Variants in APOOL observed in about 807,000 individuals in gnomAD.
APOOL encodes the protein apolipoprotein O like, also known as MICOS complex subunit MIC27.
APOOL carries 12 observed loss-of-function variants against 23.1 expected under a neutral mutation model. That is an observed-to-expected ratio of 0.52 (90% CI 0.33 to 0.84). The LOEUF (loss-of-function observed/expected upper bound fraction) is 0.84. Among genes scored for constraint, APOOL ranks in the 40% least tolerant of loss-of-function variants. The pLI is 0.02. For missense variants in APOOL, 212 were observed against 199.6 expected, an observed-to-expected ratio of 1.06 and a Z score of -0.37; for synonymous variants, 77 against 69.9, an observed-to-expected ratio of 1.10 and a Z score of -0.51.
chrX:85,034,253 CCT>C (rs1341993310), intron 1 of APOOL, among the ~76,000 whole-genome samples: 1 of 110,723 alleles, frequency 9.0e-6, no homozygotes, highest in Non-Finnish European at 1.9e-5. Flanking sequence ...CTTTTTTTCT[CCT>C]CTTTTATTTT....
chrX:85,032,154 C>T (rs1260101590), intron 1 of APOOL, among the ~76,000 whole-genome samples: 2 of 112,321 alleles, frequency 1.8e-5, no homozygotes, highest in East Asian at 5.6e-4. Flanking sequence ...ATACTTTAGC[C>T]TGATTAACAA....
At chrX:85,047,610 G>T (rs1922618787) in intron 2 of APOOL, among the ~76,000 whole-genome samples, 1 of 111,432 alleles carries the variant, frequency 9.0e-6, no homozygotes, top group African/African-American at 3.3e-5. Flanking sequence ...TACTGGTAAG[G>T]TATGCCTCAT....
At chrX:85,080,280 G>T (rs1356051624) in intron 8 of APOOL, among the ~76,000 whole-genome samples, 1 of 111,773 alleles carries the variant, frequency 8.9e-6, no homozygotes, top group African/African-American at 3.3e-5. Flanking sequence ...CAGAGATTCT[G>T]GTACGTTGTG....
At chrX:85,045,947 A>T (rs1602761730) in intron 1 of APOOL, among the ~76,000 whole-genome samples, 1 of 111,496 alleles carries the variant, frequency 9.0e-6, no homozygotes, top group African/African-American at 3.2e-5. Flanking sequence ...GCATTTATCA[A>T]CTTATAATAT....
At chrX:85,067,631 C>T (rs867447379) in intron 6 of APOOL, among the ~76,000 whole-genome samples, 25 of 98,298 alleles carry the variant, frequency 2.5e-4, no homozygotes, top group African/African-American at 1.0e-3. Context: ...AGGTAAAACA[C>T]ACACACACAC....
At chrX:85,048,078 A>T (rs1251679006) in intron 2 of APOOL, among the ~76,000 whole-genome samples, 1 of 111,580 alleles carries the variant, frequency 9.0e-6, no homozygotes, top group Non-Finnish European at 1.9e-5. Flanking sequence ...AATTTCTATA[A>T]GCCGAAGTGT....
intron 1 of APOOL, among the ~76,000 whole-genome samples, chrX:85,015,629 C>T (rs921505467): frequency 9.3e-6 from 1 of 108,041 alleles, no homozygotes; most frequent in Non-Finnish European, 1.9e-5. Flanking sequence ...AGTGCAATGG[C>T]GTGATCTCTG....
At chrX:85,030,156 C>A (rs936559815) in intron 1 of APOOL, among the ~76,000 whole-genome samples, 1 of 109,826 alleles carries the variant, frequency 9.1e-6, no homozygotes, top group Admixed American at 9.5e-5. Context: ...ATATATACAG[C>A]ATGGAATACT....
chrX:85,048,351 A>G (rs910307842), intron 2 of APOOL, among the ~76,000 whole-genome samples: 2 of 111,262 alleles, frequency 1.8e-5, no homozygotes, highest in African/African-American at 6.5e-5. Context: ...TGACACTCCC[A>G]TATCTGGACA....
rs1025634401 is a variant in APOOL, at chrX:85,088,125, C to T, written c.*447C>T. On this transcript the variant is annotated 3_prime_UTR_variant, in exon 9 of 9. Transcript: ENST00000373173. ...ATATTTATACATATATGTATAAATACATACATATTTATACATATATGTATA... is the reference window on the plus strand; with the variant it reads ...ATATTTATACATATATGTATAAATATATACATATTTATACATATATGTATA... 9.2e-5 allele frequency: 1 copy of T among 10,894 alleles called. No individual in the cohort carries two copies. Among genetic ancestry groups the T allele is most frequent in the Non-Finnish European group, 1.5e-4 (1 of 6,684 alleles). The allele number at this position is 10,894 out of a possible 1,213,427, so 0.9% of individuals were successfully genotyped here.
intron 5 of APOOL, among the ~76,000 whole-genome samples, chrX:85,063,472 C>T (rs1289589239): frequency 9.0e-6 from 1 of 111,396 alleles, no homozygotes; most frequent in Admixed American, 9.6e-5. Context: ...CCAGCCTTTG[C>T]CCATTCATTA....
chrX:85,037,494 TA>T (rs1278408766), intron 1 of APOOL, among the ~76,000 whole-genome samples: 19 of 111,571 alleles, frequency 1.7e-4, no homozygotes, highest in African/African-American at 6.2e-4. Context: ...GTGAGTCCAT[TA>T]AACCTCTTTC....
intron 1 of APOOL, among the ~76,000 whole-genome samples, chrX:85,027,395 C>T (rs1474993246): frequency 2.7e-5 from 3 of 111,352 alleles, no homozygotes; most frequent in Non-Finnish European, 5.6e-5. Context: ...GGATAAATAT[C>T]CAAACTATAT....
intron 8 of APOOL, among the ~76,000 whole-genome samples, chrX:85,075,669 A>G (rs1833136291): frequency 9.0e-6 from 1 of 111,699 alleles, no homozygotes; most frequent in Admixed American, 9.6e-5. Context: ...ATTCCAGAGT[A>G]TCTTTATGAA....
intron 2 of APOOL, among the ~76,000 whole-genome samples, chrX:85,048,519 T>A (rs147643553): frequency 1.4e-3 from 157 of 112,289 alleles, no homozygotes; most frequent in East Asian, 0.014. Context: ...GAATTACTTA[T>A]CAAACAAAGT....
Position 85,044,635 on chromosome X carries a change from G to A in APOOL, c.16-1811G>A, listed in dbSNP as rs143465608. 5.8e-3 allele frequency among the ~76,000 whole-genome samples: 647 copies of A among 110,948 alleles called. 4 individuals are homozygous for A. The highest frequency in any genetic ancestry group is 0.02 in the African/African-American group (614 of 30,491). The stretch of plus-strand genomic sequence containing the variant: ...ATACTGCCTCCTCAATAAAAGTCAA[G>A]GAATCTATGAAGACAGTAGGAAAGA... On this transcript the variant is annotated intron_variant, in intron 1 of 8. Coordinates refer to ENST00000373173, the MANE Select transcript of APOOL (RefSeq NM_198450.6).
At chrX:85,048,123 A>C (rs1922637140) in intron 2 of APOOL, among the ~76,000 whole-genome samples, 1 of 111,353 alleles carries the variant, frequency 9.0e-6, no homozygotes, top group South Asian at 3.8e-4. Flanking sequence ...TAATATTGCC[A>C]AACTAACATG....
chrX:85,024,785 G>A (rs1377808008), intron 1 of APOOL, among the ~76,000 whole-genome samples: 1 of 112,435 alleles, frequency 8.9e-6, no homozygotes, highest in African/African-American at 3.2e-5. Context: ...TGAGAAAGCA[G>A]CATATTTCCC....
At chrX:85,086,417 C>G (rs928049820) in intron 8 of APOOL, among the ~76,000 whole-genome samples, 1 of 111,884 alleles carries the variant, frequency 8.9e-6, no homozygotes, top group Non-Finnish European at 1.9e-5. Flanking sequence ...TTCCCCTAAA[C>G]CTGCTTCTCC....
Sources: gnomAD v4.1 joint callset for allele counts (sites outside exome capture counted in the v4.1 genomes callset) on GRCh38, gnomAD v4.1.1 for gene constraint, MANE v1.5 for transcripts, NCBI Gene and HGNC (gene_info 2026-07-23, HGNC 2026-07-21) for gene names.